Variants in BTBD9 observed in about 807,000 individuals in gnomAD.
BTBD9 encodes the protein BTB domain containing 9, also known as BTB/POZ domain-containing protein 9.
BTBD9 carries 49 observed loss-of-function variants against 64.3 expected under a neutral mutation model. The ratio of observed to expected loss-of-function variants is 0.76; its 90% CI spans 0.61 to 0.97. The LOEUF (loss-of-function observed/expected upper bound fraction) is 0.97. BTBD9 is among the 50% of genes least tolerant of loss of function. BTBD9 has a pLI of 0.00. For synonymous variants in BTBD9, 260 were observed against 274.7 expected, an observed-to-expected ratio of 0.95 and a Z score of 0.53; for missense variants, 598 against 762.1, an observed-to-expected ratio of 0.78 and a Z score of 2.53.
At chr6:38,270,955 G>T (rs982755791) in intron 8 of BTBD9, among the ~76,000 whole-genome samples, 1 of 152,136 alleles carries the variant, frequency 6.6e-6, no homozygotes, top group Admixed American at 6.5e-5. Flanking sequence ...GGGGATAGGG[G>T]AAAGGAGGGA....
intron 6 of BTBD9, among the ~76,000 whole-genome samples, chr6:38,395,452 C>G (rs1436267677): frequency 2.0e-5 from 3 of 152,138 alleles, no homozygotes; most frequent in African/African-American, 7.2e-5. Flanking sequence ...TCCCTTCTGT[C>G]ATGTGAGGCC....
chr6:38,418,988 C>T (rs1471823574), intron 6 of BTBD9, among the ~76,000 whole-genome samples: 6 of 152,144 alleles, frequency 3.9e-5, no homozygotes, highest in Non-Finnish European at 1.5e-5. Context: ...CTAGAAGATA[C>T]AACTATGATA....
intron 9 of BTBD9, among the ~76,000 whole-genome samples, chr6:38,229,246 T>C (rs1195189059): frequency 6.6e-6 from 1 of 151,694 alleles, no homozygotes; most frequent in African/African-American, 2.4e-5. Context: ...AATTAGGTAC[T>C]TCATCTGATA....
rs143763991 is a variant in BTBD9 at position 38,358,356 on chromosome 6, A to G, written c.1155-13263T>C. On this transcript the variant is annotated intron_variant, in intron 6 of 10. Coordinates refer to ENST00000481247, the MANE Select transcript of BTBD9 (RefSeq NM_001099272.2). Reference sequence around the variant, plus strand: ...ATAACAGCTGCTTCAGGAAGACCTGATAGATTCAGCTGTGGATCCCCTGTA... The same window carrying G: ...ATAACAGCTGCTTCAGGAAGACCTGGTAGATTCAGCTGTGGATCCCCTGTA... 3.2e-3 allele frequency among the ~76,000 whole-genome samples: 491 copies of G among 152,184 alleles called. 4 individuals carry two copies. Among genetic ancestry groups the G allele is most frequent in the African/African-American group, 0.011 (458 of 41,524 alleles).
chr6:38,441,807 C>A (rs1363081757), intron 6 of BTBD9, among the ~76,000 whole-genome samples: 1 of 152,070 alleles, frequency 6.6e-6, no homozygotes, highest in African/African-American at 2.4e-5. Context: ...ACATATATTA[C>A]CTCATTATTC....
intron 6 of BTBD9, among the ~76,000 whole-genome samples, chr6:38,431,081 T>C (rs1046491864): frequency 8.6e-5 from 13 of 151,920 alleles, no homozygotes; most frequent in Admixed American, 2.6e-4. Flanking sequence ...GCCCCATTCT[T>C]CAGTCTTTGT....
intron 6 of BTBD9, among the ~76,000 whole-genome samples, chr6:38,568,462 T>A (rs553715769): frequency 1.3e-5 from 2 of 152,216 alleles, no homozygotes; most frequent in African/African-American, 4.8e-5. Context: ...CTGGGTTCCA[T>A]TCCCAGTTCC....
chr6:38,484,803 G>A (rs1771323284), intron 6 of BTBD9, among the ~76,000 whole-genome samples: 1 of 152,234 alleles, frequency 6.6e-6, no homozygotes, highest in Non-Finnish European at 1.5e-5. Flanking sequence ...TCTCAAGTGA[G>A]TCATAACCTT....
chr6:38,176,976 G>A (rs1435692150), intron 10 of BTBD9, among the ~76,000 whole-genome samples: 1 of 152,138 alleles, frequency 6.6e-6, no homozygotes, highest in Non-Finnish European at 1.5e-5. Context: ...TCATAACCCA[G>A]CAAATACGCC....
intron 9 of BTBD9, among the ~76,000 whole-genome samples, chr6:38,208,776 G>A (rs1026257603): frequency 3.9e-5 from 6 of 152,126 alleles, no homozygotes; most frequent in East Asian, 1.9e-4. Flanking sequence ...TTCTGGGTTC[G>A]TTCCATTCAC....
At chr6:38,192,480 T>C (rs1180668024) in intron 10 of BTBD9, 39 bp downstream of exon 10, 2 of 1,565,756 alleles carry the variant, frequency 1.3e-6, no homozygotes, top group African/African-American at 1.4e-5. Flanking sequence ...CTGTACATCA[T>C]GAAATCTCAT....
At chr6:38,256,312 T>C (rs1764577215) in intron 9 of BTBD9, 97 bp downstream of exon 9, 1 of 797,690 alleles carries the variant, frequency 1.3e-6, no homozygotes, top group African/African-American at 1.7e-5. Flanking sequence ...AATAAGAATG[T>C]AATTTGGCGA....
intron 8 of BTBD9, among the ~76,000 whole-genome samples, chr6:38,273,908 C>T (rs1342442081): frequency 6.6e-6 from 1 of 152,218 alleles, no homozygotes; most frequent in African/African-American, 2.4e-5. Flanking sequence ...GTGGTCCTGG[C>T]TCACGCCACT....
intron 6 of BTBD9, among the ~76,000 whole-genome samples, chr6:38,573,455 C>T (rs1775873075): frequency 6.6e-6 from 1 of 152,030 alleles, no homozygotes; most frequent in African/African-American, 2.4e-5. Flanking sequence ...CAATTTACAC[C>T]CATCTCAACA....
chr6:38,535,651 A>C (rs1212157949), intron 6 of BTBD9, among the ~76,000 whole-genome samples: 2 of 152,134 alleles, frequency 1.3e-5, no homozygotes, highest in African/African-American at 4.8e-5. Flanking sequence ...ACTGGCATTA[A>C]AAAACAGATA....
intron 7 of BTBD9, among the ~76,000 whole-genome samples, chr6:38,307,408 A>G (rs1240157069): frequency 6.6e-6 from 1 of 152,228 alleles, no homozygotes; most frequent in Non-Finnish European, 1.5e-5. Flanking sequence ...TCACCAAAGA[A>G]AAACCATGGG....
At chr6:38,251,789 G>C (rs1764411601) in intron 9 of BTBD9, among the ~76,000 whole-genome samples, 1 of 151,304 alleles carries the variant, frequency 6.6e-6, no homozygotes, top group African/African-American at 2.4e-5. Context: ...CTACTTGGGA[G>C]ACTGAGGCCG....
chr6:38,459,185 AT>A, intron 6 of BTBD9, among the ~76,000 whole-genome samples: 1 of 151,924 alleles, frequency 6.6e-6, no homozygotes, highest in Admixed American at 6.6e-5. Flanking sequence ...CGCCTGGCTA[AT>A]TTTTGTATTT....
rs2127477783 is a variant in BTBD9, at chr6:38,184,361, C to T, written c.1641+8158G>A. Among the ~76,000 whole-genome samples, 1 of 152,316 alleles carries T rather than the reference C, an allele frequency of 6.6e-6. No homozygotes were observed. The highest frequency in any genetic ancestry group is 1.5e-5 in the Non-Finnish European group (1 of 68,024). On this transcript the variant is annotated intron_variant, in intron 10 of 10. Transcript: ENST00000481247. The surrounding 1 kb of genome is among the most constrained non-coding windows in gnomAD (Gnocchi z 4.4). ...AGGGCCTCCGTGCTGCCATCTGAAA[C>T]CTAAGTTTGTTTCCATTATTTCTAT... is the stretch of plus-strand genomic sequence containing the variant.
Sources: allele counts gnomAD v4.1 joint callset (sites outside exome capture counted in the v4.1 genomes callset), GRCh38; gene constraint gnomAD v4.1.1; non-coding constraint Gnocchi (gnomAD v3.1); transcripts MANE v1.5; gene names NCBI Gene and HGNC (gene_info 2026-07-23, HGNC 2026-07-21).